The following OSBPL10 variants were observed in gnomAD, a reference collection of about 807,000 sequenced individuals.
OSBPL10 encodes the protein oxysterol-binding protein-related protein 10.
A neutral mutation model predicts 81.7 loss-of-function variants in OSBPL10; 49 were observed. The ratio of observed to expected loss-of-function variants is 0.60; its 90% CI spans 0.48 to 0.76. The LOEUF is 0.76. Among genes scored for constraint, OSBPL10 ranks in the 30% least tolerant of loss-of-function variants. OSBPL10 has a pLI of 0.00. For missense variants in OSBPL10, 923 were observed against 987.8 expected (o/e 0.93, Z 0.88); for synonymous variants, 419 against 383.6 (o/e 1.09, Z -1.08).
At chr3:32,052,171 T>A (rs187865886) in intron 1 of OSBPL10, among the ~76,000 whole-genome samples, 4 of 150,578 alleles carry the variant, frequency 2.7e-5, no homozygotes, top group Non-Finnish European at 5.9e-5. Flanking sequence ...CACTTGAGCC[T>A]GGGAGGTAGA....
intron 6 of OSBPL10, among the ~76,000 whole-genome samples, chr3:31,716,156 C>G (rs1696426029): frequency 6.6e-6 from 1 of 152,150 alleles, no homozygotes; most frequent in Non-Finnish European, 1.5e-5. Flanking sequence ...GACACAGAAA[C>G]TCTGGGGGCA....
chr3:31,725,749 C>T (rs1696788278), intron 6 of OSBPL10, among the ~76,000 whole-genome samples: 1 of 152,162 alleles, frequency 6.6e-6, no homozygotes, highest in Non-Finnish European at 1.5e-5. Context: ...ACTGGAACTC[C>T]CGGAAGCCAC....
In OSBPL10 at chr3:31,879,779, C is replaced by G; in HGVS notation, c.333G>C (p.Glu111Asp). 6.2e-7 allele frequency: 1 copy of G among 1,614,176 alleles called. No individual in the cohort carries two copies. Among genetic ancestry groups the G allele is most frequent in the Non-Finnish European group, 8.5e-7 (1 of 1,180,026 alleles). ...EAGILQYFVN[E>D]QSKHQKPRGV... The stretch of plus-strand genomic sequence containing the variant: ...CTCGAGGCTTCTGGTGTTTGCTTTG[C>G]TCATTCACAAAATACTGCAGGATGC... The change falls in exon 2 of 12, where the codon GAG (glutamate) becomes GAC (aspartate). Residue 111 changes from glutamate to aspartate, a missense_variant. Glu to Asp is a conservative substitution (Grantham distance 45). Transcript: ENST00000396556.
At chr3:31,738,882 C>A (rs1270028681) in intron 5 of OSBPL10, among the ~76,000 whole-genome samples, 1 of 151,732 alleles carries the variant, frequency 6.6e-6, no homozygotes, top group East Asian at 1.9e-4. Context: ...GAATTAAGAA[C>A]TCAAGAAATG....
chr3:31,797,453 T>C (rs1284820156), intron 4 of OSBPL10, among the ~76,000 whole-genome samples: 1 of 152,210 alleles, frequency 6.6e-6, no homozygotes, highest in African/African-American at 2.4e-5. Context: ...CTGATTCCAA[T>C]GATCATCATC....
intron 1 of OSBPL10, among the ~76,000 whole-genome samples, chr3:31,883,522 G>A (rs145083300): frequency 3.4e-5 from 5 of 147,498 alleles, no homozygotes; most frequent in Non-Finnish European, 7.4e-5. Flanking sequence ...TTACAGGCAT[G>A]AGCCTGTTTT....
At chr3:31,767,164 G>A (rs752685269) in intron 4 of OSBPL10, among the ~76,000 whole-genome samples, 1 of 152,120 alleles carries the variant, frequency 6.6e-6, no homozygotes, top group Non-Finnish European at 1.5e-5. Flanking sequence ...AGGAGCTCTG[G>A]ATTTTGCTAC....
At chr3:31,838,386 C>T (rs531611401) in intron 3 of OSBPL10, among the ~76,000 whole-genome samples, 1 of 152,096 alleles carries the variant, frequency 6.6e-6, no homozygotes, top group Admixed American at 6.5e-5. Flanking sequence ...TGGCGGCAGC[C>T]TGTAGTCCCA....
intron 6 of OSBPL10, chr3:31,707,356 T>G (rs1455414291): frequency 6.6e-6 from 1 of 152,212 alleles, no homozygotes; most frequent in African/African-American, 2.4e-5. Context: ...TGAACTCAAG[T>G]GACCTGCAAC....
At chr3:31,695,590 C>T (rs748792258) in intron 7 of OSBPL10, among the ~76,000 whole-genome samples, 1 of 152,214 alleles carries the variant, frequency 6.6e-6, no homozygotes, top group Non-Finnish European at 1.5e-5. Flanking sequence ...AAAACCTTAA[C>T]TCTGTTTAAT....
chr3:31,839,001 C>G (rs932393000), intron 3 of OSBPL10, among the ~76,000 whole-genome samples: 8 of 152,162 alleles, frequency 5.3e-5, no homozygotes, highest in African/African-American at 1.7e-4. Flanking sequence ...CAAGGATGGC[C>G]TTTCTCAGGC....
At chr3:32,070,217 C>T (rs1419691011) in intron 1 of OSBPL10, among the ~76,000 whole-genome samples, 1 of 152,176 alleles carries the variant, frequency 6.6e-6, no homozygotes, top group African/African-American at 2.4e-5. Flanking sequence ...TTTCAAGGGC[C>T]TGTTTTCCTT....
chr3:31,804,113 A>C (rs1699465566), intron 4 of OSBPL10, among the ~76,000 whole-genome samples: 1 of 152,210 alleles, frequency 6.6e-6, no homozygotes. Flanking sequence ...ATGTTTGCTC[A>C]ATGGTGATCT....
At chr3:31,744,786 G>GAA (rs1553620553) in intron 5 of OSBPL10, among the ~76,000 whole-genome samples, 15,771 of 146,890 alleles carry the variant, frequency 0.11, 1,054 homozygotes, top group African/African-American at 0.2. Flanking sequence ...TGAAAATTAG[G>GAA]AAAAAAAAAA....
At chr3:32,028,891 T>G (rs1168216886) in intron 2 of OSBPL10, among the ~76,000 whole-genome samples, 3 of 149,886 alleles carry the variant, frequency 2.0e-5, no homozygotes, top group African/African-American at 4.9e-5. Context: ...TTCAAACATC[T>G]ACTTACAGAT....
chr3:31,808,741 C>T (rs146872888), intron 4 of OSBPL10, among the ~76,000 whole-genome samples: 104 of 152,348 alleles, frequency 6.8e-4, no homozygotes, highest in African/African-American at 2.0e-3. Flanking sequence ...TCCCTCTCTT[C>T]GCTTTACTTC....
At chr3:31,850,709 C>G (rs1700743484) in intron 3 of OSBPL10, among the ~76,000 whole-genome samples, 1 of 152,196 alleles carries the variant, frequency 6.6e-6, no homozygotes, top group Non-Finnish European at 1.5e-5. Context: ...ATCATGCCAT[C>G]ATTATAATCA....
chr3:32,005,048 CT>C (rs1378549776), intron 2 of OSBPL10, among the ~76,000 whole-genome samples: 2 of 152,158 alleles, frequency 1.3e-5, no homozygotes, highest in African/African-American at 4.8e-5. Flanking sequence ...TCTGCCGCTT[CT>C]TTCACTCAAC....
chr3:31,905,300 A>G (rs961327314), intron 1 of OSBPL10, among the ~76,000 whole-genome samples: 3 of 149,842 alleles, frequency 2.0e-5, no homozygotes, highest in African/African-American at 7.4e-5. Flanking sequence ...TATGTCAAAG[A>G]GCACATGGCA....
Sources: gnomAD v4.1 joint callset for allele counts (sites outside exome capture counted in the v4.1 genomes callset) on GRCh38, gnomAD v4.1.1 for gene constraint, MANE v1.5 for transcripts, NCBI Gene and HGNC (gene_info 2026-07-23, HGNC 2026-07-21) for gene names.